VPS13C: variants seen among roughly 807,000 people sequenced by gnomAD.
VPS13C encodes vacuolar protein sorting 13 homolog C.
VPS13C carries 358 observed loss-of-function variants against 456.8 expected under a neutral mutation model. The ratio of observed to expected loss-of-function variants is 0.78; its 90% CI spans 0.72 to 0.86. The LOEUF (loss-of-function observed/expected upper bound fraction) is 0.86. Among genes scored for constraint, VPS13C ranks in the 40% least tolerant of loss-of-function variants. The pLI is 0.00. For synonymous variants in VPS13C, 1,578 were observed against 1,486.7 expected, an observed-to-expected ratio of 1.06 and a Z score of -1.41; for missense variants, 4,818 against 4,385.4, an observed-to-expected ratio of 1.10 and a Z score of -2.79.
chr15:61,920,593 G>A lies in VPS13C; in HGVS notation c.7117C>T (p.Pro2373Ser), dbSNP rs1488875434. The change falls in exon 56 of 85, where the codon CCT (proline) becomes TCT (serine). Residue 2373 changes from proline (P) to serine (S), a missense_variant. By Grantham distance (74) the Pro-to-Ser change is moderately conservative. This residue lies in a region of VPS13C where 4,552 missense variants were observed against 4,130.6 expected (regional missense o/e 1.10). Coordinates refer to ENST00000644861, the MANE Select transcript of VPS13C (RefSeq NM_020821.3). Reference sequence around the variant, plus strand: ...ATATGAATTGCCATTTGTGGCTCAGGAATAAAATCATCTCCTGGCAGCAAA... The same window carrying A: ...ATATGAATTGCCATTTGTGGCTCAGAAATAAAATCATCTCCTGGCAGCAAA... ...KSLLPGDDFI[P>S]EPQMAIHISS... The A allele has an allele frequency of 6.3e-7, 1 of 1,592,290 alleles. No homozygotes were observed. Among genetic ancestry groups the A allele is most frequent in the Non-Finnish European group, 8.5e-7 (1 of 1,173,810 alleles).
At position 62,038,408 on chromosome 15, in the gene VPS13C, A is replaced by T. The variant is rs552248289; in HGVS notation, c.187+2916T>A. On this transcript the variant is annotated intron_variant, in intron 3 of 84. Coordinates refer to ENST00000644861, the MANE Select transcript of VPS13C (RefSeq NM_020821.3). ...GTTCAAGAACAGCATGGGCAACATG[A>T]TGAAACTGTATCTCTACAAAAAATA... Among the ~76,000 whole-genome samples, 23 of 152,120 alleles carry T rather than the reference A, an allele frequency of 1.5e-4. No homozygotes were observed. In the East Asian group the frequency reaches 3.1e-3, roughly 21 times the overall value.
chr15:61,977,931 C>T (rs8033347), intron 23 of VPS13C, among the ~76,000 whole-genome samples: 9,738 of 152,062 alleles, frequency 0.064, 481 homozygotes, highest in East Asian at 0.15. Context: ...AACACTCCTA[C>T]TAGAGTATAA....
At chr15:61,929,198 A>G (rs1343905198) in intron 51 of VPS13C, among the ~76,000 whole-genome samples, 1 of 152,204 alleles carries the variant, frequency 6.6e-6, no homozygotes, top group Non-Finnish European at 1.5e-5. Context: ...TTTGAATAAG[A>G]TACCCCACCT....
At chr15:61,957,153 C>T (rs1297643852) in intron 37 of VPS13C, among the ~76,000 whole-genome samples, 1 of 152,094 alleles carries the variant, frequency 6.6e-6, no homozygotes, top group Admixed American at 6.6e-5. Context: ...CACAACAACA[C>T]GAATGAATCT....
intron 1 of VPS13C, among the ~76,000 whole-genome samples, chr15:62,058,104 T>C (rs1477459406): frequency 6.6e-6 from 1 of 152,264 alleles, no homozygotes; most frequent in Non-Finnish European, 1.5e-5. Flanking sequence ...ATATTTTTTC[T>C]ATAAAGTTTA....
chr15:61,864,640 C>T (rs1478214524), intron 81 of VPS13C: 1 of 985,148 alleles, frequency 1.0e-6, no homozygotes, highest in Non-Finnish European at 1.2e-6. Flanking sequence ...TTGCTTGGTA[C>T]CTAGTCATTC....
chr15:62,037,249 ATATTTATATATATTATATTATATAATAT>A (rs1336410817), intron 3 of VPS13C, among the ~76,000 whole-genome samples: 4 of 25,022 alleles, frequency 1.6e-4, no homozygotes, highest in African/African-American at 6.2e-4. Flanking sequence ...TATATATAAT[ATATTTATATATATTATATTATATAATAT>A]ATTATATATA....
At chr15:62,048,540 T>C (rs1473175811) in intron 1 of VPS13C, among the ~76,000 whole-genome samples, 5 of 152,162 alleles carry the variant, frequency 3.3e-5, no homozygotes, top group African/African-American at 1.2e-4. Context: ...TCTTTGCTAT[T>C]GTGAATAGTG....
At chr15:62,033,959 A>G (rs1033067295) in intron 4 of VPS13C, among the ~76,000 whole-genome samples, 1 of 151,522 alleles carries the variant, frequency 6.6e-6, no homozygotes, top group African/African-American at 2.4e-5. Context: ...CGGAATACAT[A>G]TCAACAATCA....
At chr15:62,039,925 C>T (rs964356088) in intron 3 of VPS13C, among the ~76,000 whole-genome samples, 11 of 152,136 alleles carry the variant, frequency 7.2e-5, no homozygotes, top group Admixed American at 2.6e-4. Context: ...TAATGCAGCA[C>T]TATTCACAAT....
rs80228118 is a variant in VPS13C at position 61,866,712 on chromosome 15, G to C, written c.10863+1947C>G. The C allele has an allele frequency of 8.5e-4, 839 of 985,174 alleles. 7 individuals are homozygous for C. In the African/African-American group the frequency reaches 0.014, roughly 16 times the overall value. 61.0% of individuals were successfully genotyped at this position (985,174 alleles called of 1,614,324 possible). On this transcript the variant is annotated intron_variant, in intron 81 of 84. Transcript: ENST00000644861. ...TGTTATACTTGGTCCCTTAAGGACA[G>C]AAGTAATTTCCTTTGTATATCTAGC...
At position 61,961,766 on chromosome 15, in the gene VPS13C, T is replaced by G; in HGVS notation, c.3731A>C (p.Asp1244Ala). Residue 1244 changes from aspartate (D) to alanine (A), a missense_variant, in exon 35 of 85, where the codon GAT (aspartate) becomes GCT (alanine). Asp to Ala is a moderately radical substitution (Grantham distance 126). Around this residue, in one of 3 missense-constraint regions of VPS13C, gnomAD observed 4,552 missense variants for 4,130.6 expected, o/e 1.10. Transcript: ENST00000644861. The stretch of plus-strand genomic sequence containing the variant: ...GATGACTATAACCGGTGCTTTCAAA[T>G]CAATATTGATGGAAACACGAAAACT... The part of the protein sequence containing the change: ...QRSFRVSINI[D>A]LKAPVIVIPQ... 1 of 1,613,960 alleles carries G rather than the reference T, an allele frequency of 6.2e-7. No individual in the cohort carries two copies. Among genetic ancestry groups the G allele is most frequent in the African/African-American group, 1.3e-5 (1 of 75,000 alleles).
Position 61,936,664 on chromosome 15 carries a change from T to C in VPS13C, c.5688A>G (p.Thr1896=). 1 of 1,613,488 alleles carries C rather than the reference T, an allele frequency of 6.2e-7. No homozygotes were observed. The highest frequency in any genetic ancestry group is 8.5e-7 in the Non-Finnish European group (1 of 1,179,784). Residue 1896 remains threonine, a synonymous_variant, in exon 48 of 85, where the codon ACA becomes ACG. Transcript: ENST00000644861. ...LGEASSQPSP[T]QSVQETVRVR... ...CTCTTACAGTCTCCTGCACAGACTG[T>C]GTAGGGCTTGGTTGTGAGGAAGCTT...
At chr15:61,942,574 G>A (rs752066927) in intron 45 of VPS13C, among the ~76,000 whole-genome samples, 13 of 147,774 alleles carry the variant, frequency 8.8e-5, no homozygotes, top group Non-Finnish European at 1.5e-4. Flanking sequence ...TACTCAGCAT[G>A]AGGAAAGACA....
At chr15:61,956,631 T>C (rs997164968) in intron 37 of VPS13C, among the ~76,000 whole-genome samples, 3 of 152,022 alleles carry the variant, frequency 2.0e-5, no homozygotes, top group Non-Finnish European at 4.4e-5. Flanking sequence ...AAACATCAAA[T>C]AGTTGTATGA....
At chr15:61,946,500 T>C (rs2044609138) in intron 43 of VPS13C, 90 bp from the exon 44 acceptor site, 2 of 844,134 alleles carry the variant, frequency 2.4e-6, no homozygotes, top group Non-Finnish European at 3.5e-6. Context: ...TGACAAGATA[T>C]AAAGTGAATA....
At chr15:61,977,008 C>T (rs1341669257) in intron 24 of VPS13C, 74 bp downstream of exon 24, 13 of 1,044,024 alleles carry the variant, frequency 1.2e-5, no homozygotes, top group Non-Finnish European at 1.9e-5. Flanking sequence ...ATCTTTGCTT[C>T]CTTAAATTCT....
chr15:61,913,861 A>G (rs1315759049), intron 61 of VPS13C, among the ~76,000 whole-genome samples: 1 of 152,228 alleles, frequency 6.6e-6, no homozygotes, highest in Non-Finnish European at 1.5e-5. Context: ...AGACAGCAGG[A>G]CACAGTTCCT....
intron 82 of VPS13C, among the ~76,000 whole-genome samples, chr15:61,859,226 C>G (rs907515228): frequency 6.6e-6 from 1 of 151,914 alleles, no homozygotes; most frequent in Non-Finnish European, 1.5e-5. Context: ...AAAAAATTAG[C>G]TGGTGAATGC....
Sources: gnomAD v4.1 joint callset for allele counts (sites outside exome capture counted in the v4.1 genomes callset) on GRCh38, gnomAD v4.1.1 for gene constraint, gnomAD v4.1.1 regional missense constraint, MANE v1.5 for transcripts, NCBI Gene and HGNC (gene_info 2026-07-23, HGNC 2026-07-21) for gene names.